NR3C2: variants seen among roughly 807,000 people sequenced by gnomAD.
NR3C2 encodes nuclear receptor subfamily 3 group C member 2.
A neutral mutation model predicts 86.4 loss-of-function variants in NR3C2; 15 were observed. The ratio of observed to expected loss-of-function variants is 0.17; its 90% CI spans 0.12 to 0.27. The LOEUF (loss-of-function observed/expected upper bound fraction) is 0.27, where lower values mean the gene tolerates loss of function less well. Ranked by LOEUF, NR3C2 falls within the 10% of genes least tolerant of loss-of-function variation. The pLI, the probability that NR3C2 is intolerant of heterozygous loss-of-function variation, is 1.00. For synonymous variants in NR3C2, 458 were observed against 450.5 expected (o/e 1.02, Z -0.21); for missense variants, 960 against 1,195.6 (o/e 0.80, Z 2.91).
intron 2 of NR3C2, among the ~76,000 whole-genome samples, chr4:148,346,322 T>C (rs1482625465): frequency 6.6e-6 from 1 of 152,042 alleles, no homozygotes; most frequent in Admixed American, 6.6e-5. Flanking sequence ...GGTGGTGACA[T>C]GGTCCATGGA....
At chr4:148,130,000 G>A (rs1379230583) in intron 6 of NR3C2, among the ~76,000 whole-genome samples, 4 of 152,140 alleles carry the variant, frequency 2.6e-5, no homozygotes, top group Admixed American at 2.6e-4. Context: ...CAAAATGTCT[G>A]TCTTACTGTT....
At position 148,435,299 on chromosome 4, in the gene NR3C2, T is replaced by G. The variant is rs779919210; in HGVS notation, c.1562A>C (p.Gln521Pro). 2 of 1,614,182 alleles carry G rather than the reference T, an allele frequency of 1.2e-6. No homozygotes were observed. Among genetic ancestry groups the G allele is most frequent in the East Asian group, 4.5e-5 (2 of 44,874 alleles). The change falls in exon 2 of 9, where the codon CAG (glutamine) becomes CCG (proline). Residue 521 changes from glutamine to proline, a missense_variant. Physicochemically the swap from Gln to Pro is moderately conservative, Grantham distance 76. This residue lies in a region of NR3C2 where 680 missense variants were observed against 719.0 expected (regional missense o/e 0.95). Transcript: ENST00000358102. ...SAIVGVNSGG[Q>P]SFHYRIGAQG... ...AGCACCAATCCTGTAGTGGAAGGAC[T>G]GTCCACCTGAATTCACCCCAACAAT...
At chr4:148,323,674 C>T (rs563865240) in intron 2 of NR3C2, among the ~76,000 whole-genome samples, 5 of 152,220 alleles carry the variant, frequency 3.3e-5, no homozygotes, top group East Asian at 1.9e-4. Flanking sequence ...TTCTTTGACT[C>T]GGAAAGGGAA....
At chr4:148,263,675 G>A (rs941860190) in intron 2 of NR3C2, among the ~76,000 whole-genome samples, 2 of 152,038 alleles carry the variant, frequency 1.3e-5, no homozygotes, top group African/African-American at 2.4e-5. Flanking sequence ...TAATCATAAT[G>A]CTTAACCTTA....
chr4:148,405,990 T>C (rs148305470), intron 2 of NR3C2, among the ~76,000 whole-genome samples: 1 of 152,192 alleles, frequency 6.6e-6, no homozygotes, highest in East Asian at 1.9e-4. Flanking sequence ...CAAAGGGTTT[T>C]GGGTTTTTAA....
intron 6 of NR3C2, among the ~76,000 whole-genome samples, chr4:148,151,255 A>G (rs1425434762): frequency 8.2e-6 from 1 of 121,804 alleles, no homozygotes; most frequent in African/African-American, 3.2e-5. Context: ...AGAGATTCTT[A>G]TTTACTCACG....
chr4:148,421,575 G>C (rs1749281952), intron 2 of NR3C2, among the ~76,000 whole-genome samples: 2 of 152,114 alleles, frequency 1.3e-5, no homozygotes, highest in Non-Finnish European at 2.9e-5. Flanking sequence ...AAATAACTCA[G>C]CTTGGTTAAT....
At chr4:148,433,030 G>T (rs927173152) in intron 2 of NR3C2, among the ~76,000 whole-genome samples, 1 of 152,102 alleles carries the variant, frequency 6.6e-6, no homozygotes, top group East Asian at 1.9e-4. Context: ...AATACATAAG[G>T]AATTTTGGAA....
intron 4 of NR3C2, among the ~76,000 whole-genome samples, chr4:148,162,617 T>A (rs1188392459): frequency 6.6e-6 from 1 of 152,194 alleles, no homozygotes; most frequent in Non-Finnish European, 1.5e-5. Flanking sequence ...AGCTTTCTTG[T>A]GCTCAAGGCC....
intron 7 of NR3C2, among the ~76,000 whole-genome samples, chr4:148,117,506 T>G (rs116316237): frequency 7.0e-6 from 1 of 141,974 alleles, no homozygotes; most frequent in African/African-American, 2.5e-5. Flanking sequence ...TCCTAGCTCA[T>G]AGAGGATACT....
chr4:148,208,005 CTG>C (rs1737093189), intron 3 of NR3C2: 3 of 152,244 alleles, frequency 2.0e-5, no homozygotes, highest in African/African-American at 7.2e-5. Context: ...ATGGTTGACA[CTG>C]TGGGGACCTG....
chr4:148,308,691 TAAC>T (rs948016002), intron 2 of NR3C2, among the ~76,000 whole-genome samples: 16 of 152,204 alleles, frequency 1.1e-4, no homozygotes, highest in African/African-American at 3.6e-4. Flanking sequence ...TGGCTATAGT[TAAC>T]AACAACATGT....
At chr4:148,147,285 T>A (rs1372348447) in intron 6 of NR3C2, among the ~76,000 whole-genome samples, 1 of 152,238 alleles carries the variant, frequency 6.6e-6, no homozygotes, top group Non-Finnish European at 1.5e-5. Context: ...TGTGTCACAT[T>A]TGAAGGCAAA....
intron 2 of NR3C2, among the ~76,000 whole-genome samples, chr4:148,395,280 C>A (rs1328235530): frequency 6.6e-6 from 1 of 151,066 alleles, no homozygotes; most frequent in Admixed American, 6.6e-5. Context: ...AGAAATGTTA[C>A]TCTTATGGCT....
intron 2 of NR3C2, among the ~76,000 whole-genome samples, chr4:148,347,555 C>G (rs1339714281): frequency 6.6e-6 from 1 of 152,044 alleles, no homozygotes; most frequent in African/African-American, 2.4e-5. Context: ...TCATTCCATA[C>G]CCAATAAAAT....
intron 4 of NR3C2, among the ~76,000 whole-genome samples, chr4:148,168,979 C>A (rs1045810694): frequency 6.6e-6 from 1 of 152,100 alleles, no homozygotes; most frequent in Non-Finnish European, 1.5e-5. Context: ...CAAGAAGACA[C>A]TAAAGAATTG....
intron 2 of NR3C2, among the ~76,000 whole-genome samples, chr4:148,317,367 GA>G (rs1191310814): frequency 6.9e-6 from 1 of 143,964 alleles, no homozygotes; most frequent in Non-Finnish European, 1.5e-5. Flanking sequence ...AAAAAAAAAA[GA>G]AAAAAAGAAA....
chr4:148,444,756 A>G, upstream of NR3C2: 1 of 984,608 alleles, frequency 1.0e-6, no homozygotes, highest in Non-Finnish European at 1.2e-6. Context: ...GCAGAGGGGG[A>G]CGCGGGCACC....
intron 6 of NR3C2, among the ~76,000 whole-genome samples, chr4:148,137,400 G>A (rs1303683382): frequency 6.6e-6 from 1 of 152,088 alleles, no homozygotes; most frequent in Non-Finnish European, 1.5e-5. Context: ...AATAATATCT[G>A]CTTTAAAATG....
Sources: allele counts gnomAD v4.1 joint callset (sites outside exome capture counted in the v4.1 genomes callset), GRCh38; gene constraint gnomAD v4.1.1; regional missense constraint gnomAD v4.1.1; transcripts MANE v1.5; gene names NCBI Gene and HGNC (gene_info 2026-07-23, HGNC 2026-07-21).